Variants in DOCK4 observed in about 807,000 individuals in gnomAD.
DOCK4 encodes the protein dedicator of cytokinesis 4.
In DOCK4, 97 loss-of-function variants were observed where a neutral mutation model predicts 268.1. The ratio of observed to expected loss-of-function variants is 0.36; its 90% CI spans 0.31 to 0.43. The LOEUF is 0.43. DOCK4 is among the 20% of genes least tolerant of loss of function. The pLI, the probability that DOCK4 is intolerant of heterozygous loss-of-function variation, is 1.00. For missense variants in DOCK4, 2,145 were observed against 2,455.7 expected (o/e 0.87, Z 2.67); for synonymous variants, 954 against 887.2 (o/e 1.08, Z -1.34).
At chr7:112,175,507 G>A (rs2116644815) in intron 1 of DOCK4, among the ~76,000 whole-genome samples, 1 of 150,380 alleles carries the variant, frequency 6.6e-6, no homozygotes, top group South Asian at 2.1e-4. Context: ...TCTAAATTAA[G>A]TATACATAAT....
intron 40 of DOCK4, among the ~76,000 whole-genome samples, 160 bp from the exon 41 acceptor site, chr7:111,758,950 G>T (rs764481632): frequency 2.0e-5 from 3 of 152,142 alleles, no homozygotes; most frequent in East Asian, 1.9e-4. Context: ...CAGGAACTCA[G>T]TTCTAGCAAA....
intron 8 of DOCK4, among the ~76,000 whole-genome samples, chr7:111,958,474 C>A (rs1796608819): frequency 1.3e-5 from 2 of 152,138 alleles, no homozygotes; most frequent in African/African-American, 4.8e-5. Flanking sequence ...GGAAAAAAGA[C>A]AGAGATGACC....
chr7:112,143,545 TG>T (rs1403083911), intron 1 of DOCK4, among the ~76,000 whole-genome samples: 2 of 152,194 alleles, frequency 1.3e-5, no homozygotes, highest in Non-Finnish European at 2.9e-5. Flanking sequence ...AAATTGTATC[TG>T]ATATATTTGT....
chr7:111,838,508 A>G (rs1200090522), intron 25 of DOCK4, among the ~76,000 whole-genome samples: 1 of 152,182 alleles, frequency 6.6e-6, no homozygotes, highest in African/African-American at 2.4e-5. Flanking sequence ...ACAAAAGAAT[A>G]AGGATGAAAC....
chr7:112,080,844 C>G (rs1563065738), intron 1 of DOCK4, among the ~76,000 whole-genome samples: 1 of 152,136 alleles, frequency 6.6e-6, no homozygotes, highest in Non-Finnish European at 1.5e-5. Flanking sequence ...TGTGAACTAG[C>G]AACTGGATGC....
At chr7:111,933,841 A>G (rs554613344) in intron 12 of DOCK4, among the ~76,000 whole-genome samples, 14 of 152,038 alleles carry the variant, frequency 9.2e-5, no homozygotes, top group Non-Finnish European at 1.8e-4. Flanking sequence ...TGACCTCACC[A>G]CTCATTATAG....
chr7:112,105,224 T>C (rs1811032969), intron 1 of DOCK4, among the ~76,000 whole-genome samples: 1 of 152,218 alleles, frequency 6.6e-6, no homozygotes. Flanking sequence ...TTATCTGCCT[T>C]TATTTTCCAT....
At chr7:111,844,640 T>G in intron 25 of DOCK4, 123 bp downstream of exon 25, 1 of 1,277,186 alleles carries the variant, frequency 7.8e-7, no homozygotes, top group East Asian at 2.6e-5. Context: ...TCATATGATT[T>G]TGAAATGCTG....
Position 111,809,329 on chromosome 7 carries a change from G to C in DOCK4, c.3079C>G (p.Pro1027Ala), listed in dbSNP as rs751940199. ...QLCLQLEMFT[P>A]SKKKKVLEKY... ...TCTAACACCTTTTTCTTCTTGGAAG[G>C]TGTGAACATCTCCAACTGCAGACAC... is the stretch of plus-strand genomic sequence containing the variant. Residue 1027 changes from proline to alanine, a missense_variant, in exon 29 of 53, where the codon CCT becomes GCT. This residue lies in a region of DOCK4 where 1,598 missense variants were observed against 1,986.7 expected (regional missense o/e 0.80). Transcript: ENST00000428084. 6.4e-7 allele frequency: 1 copy of C among 1,564,006 alleles called. No homozygotes were observed. Among genetic ancestry groups the C allele is most frequent in the Admixed American group, 1.9e-5 (1 of 52,646 alleles).
intron 30 of DOCK4, among the ~76,000 whole-genome samples, chr7:111,795,154 A>G (rs1799803742): frequency 6.6e-6 from 1 of 152,152 alleles, no homozygotes; most frequent in African/African-American, 2.4e-5. Context: ...AAGAGTAGGC[A>G]TATCACCTGG....
chr7:112,002,053 A>G (rs1249530157), intron 2 of DOCK4, among the ~76,000 whole-genome samples: 1 of 152,214 alleles, frequency 6.6e-6, no homozygotes, highest in South Asian at 2.1e-4. Flanking sequence ...GAATTTTTTC[A>G]ATGATTAAAT....
intron 1 of DOCK4, among the ~76,000 whole-genome samples, chr7:112,187,881 G>A (rs1244520249): frequency 2.6e-5 from 4 of 152,068 alleles, no homozygotes; most frequent in African/African-American, 9.7e-5. Context: ...AACTGAAAAA[G>A]AAAAGAAGAC....
intron 15 of DOCK4, among the ~76,000 whole-genome samples, chr7:111,899,327 G>A (rs918382007): frequency 6.6e-6 from 1 of 152,278 alleles, no homozygotes; most frequent in East Asian, 1.9e-4. Flanking sequence ...AAGAGAGCCT[G>A]CTGCTTCTTC....
intron 1 of DOCK4, among the ~76,000 whole-genome samples, chr7:112,171,960 C>T (rs1818122275): frequency 6.6e-6 from 1 of 152,208 alleles, no homozygotes. Flanking sequence ...TCCCTCTGTG[C>T]ACACGCATCC....
At chr7:112,100,205 C>T (rs1164778507) in intron 1 of DOCK4, among the ~76,000 whole-genome samples, 1 of 152,168 alleles carries the variant, frequency 6.6e-6, no homozygotes, top group African/African-American at 2.4e-5. Context: ...TTATTAGAAA[C>T]TACGTAAAGC....
At chr7:111,880,119 A>G (rs1216016935) in intron 16 of DOCK4, among the ~76,000 whole-genome samples, 1 of 152,182 alleles carries the variant, frequency 6.6e-6, no homozygotes, top group African/African-American at 2.4e-5. Context: ...AAAGAAGACT[A>G]CCTCAAAGCA....
intron 23 of DOCK4, among the ~76,000 whole-genome samples, chr7:111,852,147 A>G (rs1804625719): frequency 6.6e-6 from 1 of 151,960 alleles, no homozygotes; most frequent in African/African-American, 2.4e-5. Context: ...TATTTTTAGT[A>G]GAGACGGGGT....
At chr7:111,781,694 G>A (rs1351835345) in intron 35 of DOCK4, among the ~76,000 whole-genome samples, 1 of 152,146 alleles carries the variant, frequency 6.6e-6, no homozygotes, top group Non-Finnish European at 1.5e-5. Flanking sequence ...TAGGCTCAGA[G>A]ATGAGAAGCA....
At chr7:112,007,611 T>G (rs554832188) in intron 1 of DOCK4, among the ~76,000 whole-genome samples, 25 of 152,220 alleles carry the variant, frequency 1.6e-4, no homozygotes, top group African/African-American at 5.8e-4. Context: ...GGAAAAATGT[T>G]TAGGCTTCAG....
Sources: allele counts gnomAD v4.1 joint callset (sites outside exome capture counted in the v4.1 genomes callset), GRCh38; gene constraint gnomAD v4.1.1; regional missense constraint gnomAD v4.1.1; transcripts MANE v1.5; gene names NCBI Gene and HGNC (gene_info 2026-07-23, HGNC 2026-07-21).